STX8: variants seen among roughly 807,000 people sequenced by gnomAD.
STX8 encodes syntaxin-8.
STX8 carries 23 observed loss-of-function variants against 37.5 expected under a neutral mutation model. That is an observed-to-expected ratio of 0.61 (90% CI 0.44 to 0.87). The LOEUF (loss-of-function observed/expected upper bound fraction) is 0.87. STX8 is among the 40% of genes least tolerant of loss of function. The pLI, the probability that STX8 is intolerant of heterozygous loss-of-function variation, is 0.00. For synonymous variants in STX8, 115 were observed against 99.1 expected, an observed-to-expected ratio of 1.16 and a Z score of -0.95; for missense variants, 313 against 284.7, an observed-to-expected ratio of 1.10 and a Z score of -0.71.
At chr17:9,453,702 AG>A (rs1359115194) in intron 6 of STX8, among the ~76,000 whole-genome samples, 1 of 152,118 alleles carries the variant, frequency 6.6e-6, no homozygotes, top group Non-Finnish European at 1.5e-5. Context: ...CATGTTGGCC[AG>A]GCTGGTCTCA....
intron 6 of STX8, among the ~76,000 whole-genome samples, chr17:9,399,073 T>G (rs902677819): frequency 2.7e-5 from 4 of 146,128 alleles, no homozygotes; most frequent in African/African-American, 7.5e-5. Flanking sequence ...AAAGCTACAG[T>G]AATCAAGACA....
intron 6 of STX8, among the ~76,000 whole-genome samples, chr17:9,471,506 C>T (rs912928856): frequency 6.6e-6 from 1 of 152,020 alleles, no homozygotes; most frequent in African/African-American, 2.4e-5. Context: ...CCCTGGCTGG[C>T]ATCCTGGAGC....
At chr17:9,374,139 C>A (rs916298056) in intron 7 of STX8, among the ~76,000 whole-genome samples, 1 of 149,674 alleles carries the variant, frequency 6.7e-6, no homozygotes, top group African/African-American at 2.5e-5. Context: ...TGGAGTGCAG[C>A]GGCACGATCG....
chr17:9,571,026 T>C (rs1228385389), intron 1 of STX8, among the ~76,000 whole-genome samples: 3 of 151,970 alleles, frequency 2.0e-5, no homozygotes. Context: ...AAGTATAAAA[T>C]GGTAGAGATG....
intron 5 of STX8, among the ~76,000 whole-genome samples, chr17:9,503,905 CA>C (rs1456265745): frequency 6.6e-6 from 1 of 152,112 alleles, no homozygotes; most frequent in African/African-American, 2.4e-5. Flanking sequence ...GCTAGGACTA[CA>C]GGTGCGTGCC....
At chr17:9,426,081 T>C (rs1433886157) in intron 6 of STX8, among the ~76,000 whole-genome samples, 2 of 152,134 alleles carry the variant, frequency 1.3e-5, no homozygotes, top group African/African-American at 4.8e-5. Flanking sequence ...TCTGATACAA[T>C]GCCTAAGTAG....
chr17:9,485,256 G>A (rs1415633621), intron 6 of STX8, among the ~76,000 whole-genome samples: 1 of 152,212 alleles, frequency 6.6e-6, no homozygotes, highest in African/African-American at 2.4e-5. Flanking sequence ...GATGACAGTG[G>A]CCCAGAGGTA....
intron 6 of STX8, among the ~76,000 whole-genome samples, chr17:9,461,586 C>T (rs569027621): frequency 2.0e-5 from 3 of 152,216 alleles, no homozygotes; most frequent in African/African-American, 7.2e-5. Flanking sequence ...TGAATTTGCA[C>T]AGAGAAAGCT....
intron 6 of STX8, among the ~76,000 whole-genome samples, chr17:9,450,547 G>A (rs2142401470): frequency 6.6e-6 from 1 of 151,998 alleles, no homozygotes; most frequent in East Asian, 1.9e-4. Flanking sequence ...CGATCCTCCA[G>A]CCTCAGCCTC....
chr17:9,569,001 GTACCAT>G (rs1176561573), intron 1 of STX8, among the ~76,000 whole-genome samples: 1 of 152,206 alleles, frequency 6.6e-6, no homozygotes, highest in African/African-American at 2.4e-5. Context: ...TATGAAGTGG[GTACCAT>G]TACCATCTCC....
intron 5 of STX8, among the ~76,000 whole-genome samples, chr17:9,503,425 A>G (rs1304467975): frequency 6.6e-6 from 1 of 152,202 alleles, no homozygotes; most frequent in African/African-American, 2.4e-5. Flanking sequence ...ACATATGTCA[A>G]AGCTTATCAA....
chr17:9,476,121 G>A (rs921081774), intron 6 of STX8, among the ~76,000 whole-genome samples: 12 of 152,346 alleles, frequency 7.9e-5, no homozygotes, highest in Non-Finnish European at 1.8e-4. Flanking sequence ...GGAGGTTGCA[G>A]TGAGGCGAGA....
intron 7 of STX8, among the ~76,000 whole-genome samples, chr17:9,346,765 C>G (rs190698412): frequency 6.6e-6 from 1 of 152,296 alleles, no homozygotes; most frequent in East Asian, 1.9e-4. Flanking sequence ...TGAATCTGGT[C>G]TGATGTTCTT....
intron 7 of STX8, among the ~76,000 whole-genome samples, chr17:9,332,593 T>C (rs957449039): frequency 2.0e-5 from 3 of 152,248 alleles, no homozygotes; most frequent in Admixed American, 6.5e-5. Context: ...CTGTCATAAA[T>C]GCTTAAACAT....
At chr17:9,275,884 GA>G (rs766160228) in intron 7 of STX8, among the ~76,000 whole-genome samples, 1,839 of 144,038 alleles carry the variant, frequency 0.013, 41 homozygotes, top group African/African-American at 0.044. Context: ...AGAAAAAAAA[GA>G]AAAAAAAAAA....
intron 4 of STX8, among the ~76,000 whole-genome samples, chr17:9,515,454 C>T (rs1435801241): frequency 6.6e-6 from 1 of 152,078 alleles, no homozygotes; most frequent in Non-Finnish European, 1.5e-5. Flanking sequence ...GACTTTCTTC[C>T]ACTTTACTAA....
intron 6 of STX8, among the ~76,000 whole-genome samples, chr17:9,486,526 A>G (rs770149075): frequency 1.3e-5 from 2 of 152,030 alleles, no homozygotes; most frequent in Non-Finnish European, 2.9e-5. Context: ...CAGAACATCA[A>G]TTCTGTTCAT....
At chr17:9,393,780 G>T (rs1051649074) in intron 6 of STX8, among the ~76,000 whole-genome samples, 11 of 152,166 alleles carry the variant, frequency 7.2e-5, no homozygotes, top group African/African-American at 2.7e-4. Flanking sequence ...AAAGACAAAA[G>T]TTTAGTGACA....
At chr17:9,405,798 G>A (rs147890312) in intron 6 of STX8, among the ~76,000 whole-genome samples, 5 of 152,276 alleles carry the variant, frequency 3.3e-5, no homozygotes, top group African/African-American at 9.6e-5. Context: ...GATGGAAGTT[G>A]CTTCACCTAC....
Sources: allele counts gnomAD v4.1 joint callset (sites outside exome capture counted in the v4.1 genomes callset), GRCh38; gene constraint gnomAD v4.1.1; transcripts MANE v1.5; gene names NCBI Gene and HGNC (gene_info 2026-07-23, HGNC 2026-07-21).